The following ADGRB3 variants were observed in gnomAD, a reference collection of about 807,000 sequenced individuals.
ADGRB3 encodes the protein adhesion G protein-coupled receptor B3.
A neutral mutation model predicts 193.4 loss-of-function variants in ADGRB3; 37 were observed. The observed-to-expected ratio is 0.19, with a 90% CI of 0.15 to 0.25. The LOEUF (loss-of-function observed/expected upper bound fraction) is 0.25, where lower values mean the gene tolerates loss of function less well. Among genes scored for constraint, ADGRB3 ranks in the 10% least tolerant of loss-of-function variants. The pLI is 1.00. For missense variants in ADGRB3, 1,637 were observed against 1,852.9 expected, an observed-to-expected ratio of 0.88 and a Z score of 2.14; for synonymous variants, 690 against 644.2, an observed-to-expected ratio of 1.07 and a Z score of -1.08.
intron 3 of ADGRB3, among the ~76,000 whole-genome samples, chr6:68,787,076 A>G (rs1766990013): frequency 6.6e-6 from 1 of 152,178 alleles, no homozygotes; most frequent in African/African-American, 2.4e-5. Flanking sequence ...CGTTTTCTAG[A>G]TATACAATCA....
chr6:68,755,282 A>C (rs1243029076), intron 3 of ADGRB3, among the ~76,000 whole-genome samples: 1 of 152,202 alleles, frequency 6.6e-6, no homozygotes, highest in Non-Finnish European at 1.5e-5. Flanking sequence ...AAATATGCTG[A>C]CATCAATGAG....
chr6:69,254,147 G>T (rs1766695840), intron 20 of ADGRB3, among the ~76,000 whole-genome samples: 1 of 152,114 alleles, frequency 6.6e-6, no homozygotes, highest in African/African-American at 2.4e-5. Context: ...AGTTTTAAAA[G>T]CCTTTAGTGA....
intron 3 of ADGRB3, among the ~76,000 whole-genome samples, chr6:68,644,989 T>C (rs1281942705): frequency 6.6e-6 from 1 of 152,186 alleles, no homozygotes; most frequent in Non-Finnish European, 1.5e-5. Flanking sequence ...GCTTTTTGCA[T>C]GTTTTCTTTT....
At chr6:69,175,676 A>G (rs929882083) in intron 17 of ADGRB3, among the ~76,000 whole-genome samples, 2 of 152,144 alleles carry the variant, frequency 1.3e-5, no homozygotes, top group Non-Finnish European at 2.9e-5. Flanking sequence ...TTATTTGAAA[A>G]ACTATTTGGT....
intron 26 of ADGRB3, among the ~76,000 whole-genome samples, chr6:69,341,229 C>A (rs912084951): frequency 5.3e-5 from 8 of 152,222 alleles, no homozygotes; most frequent in Non-Finnish European, 1.0e-4. Context: ...TACACTCCCA[C>A]CAACAGTGTA....
At position 68,638,769 on chromosome 6, in the gene ADGRB3, A is replaced by G. The variant is rs1232415209; in HGVS notation, c.94A>G (p.Thr32Ala). Residue 32 changes from threonine (T) to alanine (A), a missense_variant, in exon 3 of 32, where the codon ACT becomes GCT. Thr to Ala is a moderately conservative substitution (Grantham distance 58). Around this residue, in one of 7 missense-constraint regions of ADGRB3, gnomAD observed 365 missense variants for 409.8 expected, o/e 0.89. Transcript: ENST00000370598. The part of the protein sequence containing the change: ...FNAAQDFWCS[T>A]LVKGVIYGSY... ...TGCTGCCCAAGACTTCTGGTGTTCA[A>G]CTTTGGTGAAGGGAGTCATTTATGG... 1 of 1,614,150 alleles carries G rather than the reference A, an allele frequency of 6.2e-7. No homozygotes were observed. Among genetic ancestry groups the G allele is most frequent in the Non-Finnish European group, 8.5e-7 (1 of 1,180,014 alleles).
chr6:69,089,888 C>T (rs534619537), intron 17 of ADGRB3, among the ~76,000 whole-genome samples: 69 of 152,130 alleles, frequency 4.5e-4, no homozygotes, highest in Non-Finnish European at 7.9e-4. Context: ...ACCAAATGTT[C>T]GTGAGGGTGG....
chr6:69,318,840 A>G (rs929951252), intron 20 of ADGRB3, among the ~76,000 whole-genome samples: 2 of 139,750 alleles, frequency 1.4e-5, no homozygotes, highest in African/African-American at 5.7e-5. Context: ...GTGTGTGTAT[A>G]TATATATAAT....
At chr6:69,000,336 CACA>C (rs749661333) in intron 11 of ADGRB3, among the ~76,000 whole-genome samples, 5 of 152,180 alleles carry the variant, frequency 3.3e-5, no homozygotes, top group African/African-American at 4.8e-5. Flanking sequence ...AGAATCTGGT[CACA>C]ACATTTTCAT....
At chr6:68,802,681 G>T (rs1277482450) in intron 3 of ADGRB3, among the ~76,000 whole-genome samples, 1 of 152,090 alleles carries the variant, frequency 6.6e-6, no homozygotes, top group Non-Finnish European at 1.5e-5. Context: ...TGAACTCATG[G>T]TCATGTGTAG....
intron 20 of ADGRB3, among the ~76,000 whole-genome samples, chr6:69,322,367 C>T (rs1768476844): frequency 6.6e-6 from 1 of 151,684 alleles, no homozygotes. Context: ...CGGTATATAC[C>T]CAGTAATGGG....
At chr6:68,802,216 G>A (rs1767326662) in intron 3 of ADGRB3, among the ~76,000 whole-genome samples, 2 of 151,002 alleles carry the variant, frequency 1.3e-5, no homozygotes, top group Non-Finnish European at 2.9e-5. Context: ...GTGTGTATGT[G>A]TGTGTGTGTA....
chr6:69,371,937 T>TA (rs1769715941), intron 29 of ADGRB3, among the ~76,000 whole-genome samples: 2 of 152,120 alleles, frequency 1.3e-5, no homozygotes, highest in Admixed American at 1.3e-4. Flanking sequence ...CTTTGGGACT[T>TA]AGAGGACTGG....
intron 12 of ADGRB3, among the ~76,000 whole-genome samples, chr6:69,015,224 T>C (rs1770053783): frequency 6.6e-6 from 1 of 151,976 alleles, no homozygotes; most frequent in African/African-American, 2.4e-5. Flanking sequence ...AGAAGAAATA[T>C]GTAATATCCT....
At chr6:68,682,870 C>G (rs760487189) in intron 3 of ADGRB3, among the ~76,000 whole-genome samples, 1 of 151,762 alleles carries the variant, frequency 6.6e-6, no homozygotes, top group Non-Finnish European at 1.5e-5. Flanking sequence ...CTCTGCTTCC[C>G]GGGTTCAAGT....
intron 3 of ADGRB3, among the ~76,000 whole-genome samples, chr6:68,782,088 A>G (rs1165437755): frequency 2.0e-5 from 3 of 150,108 alleles, no homozygotes; most frequent in African/African-American, 7.3e-5. Flanking sequence ...GTCATTTAGC[A>G]TTAGGTATAT....
chr6:68,653,479 T>C (rs1768419232), intron 3 of ADGRB3, among the ~76,000 whole-genome samples: 1 of 152,056 alleles, frequency 6.6e-6, no homozygotes, highest in Admixed American at 6.6e-5. Context: ...GAAGAATGTA[T>C]GCACATATTC....
chr6:68,646,302 C>A (rs1034971244), intron 3 of ADGRB3, among the ~76,000 whole-genome samples: 1 of 151,008 alleles, frequency 6.6e-6, no homozygotes, highest in Non-Finnish European at 1.5e-5. Context: ...CATGATGAAA[C>A]CCTGTCTCTA....
chr6:69,315,472 G>A (rs1387650476), intron 20 of ADGRB3, among the ~76,000 whole-genome samples: 2 of 151,434 alleles, frequency 1.3e-5, no homozygotes, highest in Admixed American at 6.6e-5. Flanking sequence ...GTAAAGTTAT[G>A]TATTACCTTT....
Sources: gnomAD v4.1 joint callset for allele counts (sites outside exome capture counted in the v4.1 genomes callset) on GRCh38, gnomAD v4.1.1 for gene constraint, gnomAD v4.1.1 regional missense constraint, MANE v1.5 for transcripts, NCBI Gene and HGNC (gene_info 2026-07-23, HGNC 2026-07-21) for gene names.